Variants in PDE1C observed in about 807,000 individuals in gnomAD.
PDE1C encodes the protein dual specificity calcium/calmodulin-dependent 3',5'-cyclic nucleotide phosphodiesterase 1C.
In PDE1C, 62 loss-of-function variants were observed where a neutral mutation model predicts 93.1. The observed-to-expected ratio is 0.67, with a 90% CI of 0.54 to 0.82. The LOEUF (loss-of-function observed/expected upper bound fraction) is 0.82. PDE1C is among the 40% of genes least tolerant of loss of function. The pLI, the probability that PDE1C is intolerant of heterozygous loss-of-function variation, is 0.00. For synonymous variants in PDE1C, 325 were observed against 310.1 expected (o/e 1.05, Z -0.50); for missense variants, 742 against 884.6 (o/e 0.84, Z 2.04).
At chr7:31,984,770 CTCAGT>C (rs1191076267) in intron 2 of PDE1C, among the ~76,000 whole-genome samples, 3 of 152,148 alleles carry the variant, frequency 2.0e-5, no homozygotes, top group African/African-American at 7.2e-5. Flanking sequence ...TGTCTGTTAC[CTCAGT>C]TAACAAAAAC....
chr7:31,672,634 AG>A, the PDE1C span, among the ~76,000 whole-genome samples: 1 of 150,786 alleles, frequency 6.6e-6, no homozygotes, highest in Non-Finnish European at 1.5e-5. Context: ...CATTTTGGGG[AG>A]TGTAGAAATA....
At chr7:32,101,696 C>T (rs1798045668) in intron 3 of PDE1C, among the ~76,000 whole-genome samples, 1 of 152,158 alleles carries the variant, frequency 6.6e-6, no homozygotes, top group Non-Finnish European at 1.5e-5. Context: ...GCCTGCAGAA[C>T]CGTGAGCCAA....
At chr7:31,732,164 C>T in the PDE1C span, among the ~76,000 whole-genome samples, 2,607 of 152,316 alleles carry the variant, frequency 0.017, 33 homozygotes, top group Non-Finnish European at 0.026. Context: ...GAAAGCTCTT[C>T]CTTCTTCCAA....
rs186734498 is a variant in PDE1C, at chr7:31,840,373, A to T, written c.981-2402T>A. On this transcript the variant is annotated intron_variant, in intron 9 of 17. Transcript: ENST00000396191. ...CTTACACATTTTGGATTCAAAACCT[A>T]TGTAAAACATAAGTGTTGTGAATAA... Among the ~76,000 whole-genome samples the T allele has an allele frequency of 1.8e-4, 27 of 152,276 alleles. No homozygotes were observed. The East Asian group carries it at 5.2e-3, about 29-fold the overall frequency.
chr7:31,840,391 G>A (rs150607514), intron 9 of PDE1C, among the ~76,000 whole-genome samples: 2 of 152,182 alleles, frequency 1.3e-5, no homozygotes, highest in African/African-American at 4.8e-5. Flanking sequence ...CATAAGTGTT[G>A]TGAATAATTT....
chr7:32,144,185 C>T (rs1157951035), intron 3 of PDE1C, among the ~76,000 whole-genome samples: 1 of 152,136 alleles, frequency 6.6e-6, no homozygotes, highest in Non-Finnish European at 1.5e-5. Flanking sequence ...TATATCAGCT[C>T]ACAAAACCAA....
At chr7:31,684,521 A>G in the PDE1C span, among the ~76,000 whole-genome samples, 1 of 152,230 alleles carries the variant, frequency 6.6e-6, no homozygotes, top group Non-Finnish European at 1.5e-5. Flanking sequence ...CCATATTTCT[A>G]ATAAAGAACT....
At chr7:31,970,305 T>C (rs1310955834) in intron 2 of PDE1C, among the ~76,000 whole-genome samples, 5 of 152,088 alleles carry the variant, frequency 3.3e-5, no homozygotes, top group South Asian at 2.1e-4. Context: ...ACCAGAAGGA[T>C]ATCTTTATGT....
intron 1 of PDE1C, among the ~76,000 whole-genome samples, chr7:32,305,910 G>A (rs1353112464): frequency 2.8e-4 from 43 of 152,172 alleles, no homozygotes; most frequent in Non-Finnish European, 1.5e-5. Flanking sequence ...ATATGATTTG[G>A]CTATGTCTCC....
chr7:32,293,305 C>T (rs1242324767), intron 1 of PDE1C, among the ~76,000 whole-genome samples: 2 of 152,278 alleles, frequency 1.3e-5, no homozygotes, highest in South Asian at 2.1e-4. Context: ...CCCAGGGTTT[C>T]CCACAGCAAA....
chr7:32,203,384 T>C (rs1211826775), intron 2 of PDE1C, among the ~76,000 whole-genome samples: 1 of 152,136 alleles, frequency 6.6e-6, no homozygotes, highest in Non-Finnish European at 1.5e-5. Flanking sequence ...ATACATGGCA[T>C]CACCATGTCA....
chr7:31,864,907 T>C, intron 7 of PDE1C, 35 bp downstream of exon 7: 2 of 1,602,150 alleles, frequency 1.2e-6, no homozygotes, highest in Non-Finnish European at 1.7e-6. Flanking sequence ...TCCTTACATC[T>C]TTTGGGGAAC....
intron 2 of PDE1C, among the ~76,000 whole-genome samples, chr7:31,954,367 G>A (rs1055286789): frequency 6.6e-6 from 1 of 152,228 alleles, no homozygotes; most frequent in South Asian, 2.1e-4. Context: ...CAGCTGGAAG[G>A]CCACCCACCA....
chr7:32,146,276 C>A (rs1395390006), intron 3 of PDE1C, among the ~76,000 whole-genome samples: 1 of 152,170 alleles, frequency 6.6e-6, no homozygotes, highest in Non-Finnish European at 1.5e-5. Context: ...ATGACCACAA[C>A]CTTAGTAGCT....
chr7:31,650,682 T>C, the PDE1C span, among the ~76,000 whole-genome samples: 9 of 152,188 alleles, frequency 5.9e-5, no homozygotes, highest in Admixed American at 5.9e-4. Context: ...AACATTATTC[T>C]AAGCAGATTT....
chr7:31,667,648 AAAG>A, the PDE1C span, among the ~76,000 whole-genome samples: 1 of 152,074 alleles, frequency 6.6e-6, no homozygotes, highest in African/African-American at 2.4e-5. Flanking sequence ...TATGAAAAAA[AAAG>A]AAATTTCAAA....
chr7:31,921,274 C>G (rs1802589328), intron 2 of PDE1C, among the ~76,000 whole-genome samples: 1 of 152,176 alleles, frequency 6.6e-6, no homozygotes, highest in Non-Finnish European at 1.5e-5. Context: ...GGAGATAGAA[C>G]AGGTCTCATG....
chr7:31,979,698 G>GT, intron 2 of PDE1C, among the ~76,000 whole-genome samples: 1 of 152,150 alleles, frequency 6.6e-6, no homozygotes, highest in South Asian at 2.1e-4. Context: ...ACATTTGCAG[G>GT]TTTTGCTTTG....
intron 2 of PDE1C, among the ~76,000 whole-genome samples, chr7:32,034,001 T>A (rs1290182243): frequency 6.6e-6 from 1 of 151,824 alleles, no homozygotes; most frequent in East Asian, 1.9e-4. Flanking sequence ...AATTTTATGT[T>A]AATAAAATAG....
Sources: allele counts gnomAD v4.1 joint callset (sites outside exome capture counted in the v4.1 genomes callset), GRCh38; gene constraint gnomAD v4.1.1; transcripts MANE v1.5; gene names NCBI Gene and HGNC (gene_info 2026-07-23, HGNC 2026-07-21).